Variants in RXFP1 observed in about 807,000 individuals in gnomAD.
The protein encoded by RXFP1 is relaxin receptor 1.
A neutral mutation model predicts 89.8 loss-of-function variants in RXFP1; 73 were observed. The observed-to-expected ratio is 0.81, with a 90% confidence interval of 0.67 to 0.99. RXFP1 has a LOEUF of 0.99. RXFP1 is among the 50% of genes least tolerant of loss of function. The pLI is 0.00. For missense variants in RXFP1, 793 were observed against 895.5 expected (o/e 0.89, Z 1.46); for synonymous variants, 277 against 305.5 (o/e 0.91, Z 0.97).
At chr4:158,587,374 A>G (rs1474712232) in intron 2 of RXFP1, among the ~76,000 whole-genome samples, 1 of 152,236 alleles carries the variant, frequency 6.6e-6, no homozygotes, top group Non-Finnish European at 1.5e-5. Context: ...GTTTTTAGTA[A>G]TACCTTGATT....
In RXFP1 at chr4:158,527,564, A is replaced by AAAAAAAATATATATATAT. The variant is rs5741905; in HGVS notation, c.49+5540_49+5541insAAAAAATATATATATATA. On this transcript the variant is annotated intron_variant, in intron 1 of 17. Transcript: ENST00000307765. ...ATCTCCCCCGCTCCAAAAAAAAAAA[A>AAAAAAAATATATATATAT]ATATATATATATATGTATATATATA... 1.4e-3 allele frequency among the ~76,000 whole-genome samples: 138 copies of AAAAAAAATATATATATAT among 98,304 alleles called. 1 individual carries two copies. Among genetic ancestry groups the AAAAAAAATATATATATAT allele is most frequent in the African/African-American group, 4.6e-3 (131 of 28,514 alleles). 64.5% of individuals were successfully genotyped at this position (98,304 alleles called of 152,430 possible).
At chr4:158,569,665 C>T (rs1400425113) in intron 1 of RXFP1, among the ~76,000 whole-genome samples, 1 of 152,166 alleles carries the variant, frequency 6.6e-6, no homozygotes, top group African/African-American at 2.4e-5. Flanking sequence ...ATATTCATAC[C>T]TTTCAATTGT....
rs554393926 is a variant in RXFP1 at position 158,588,576 on chromosome 4, G to A, written c.188-4825G>A. Among the ~76,000 whole-genome samples, 3 of 152,256 alleles carry A rather than the reference G, an allele frequency of 2.0e-5. No homozygotes were observed. In the South Asian group the frequency reaches 6.2e-4, roughly 32 times the overall value. The stretch of plus-strand genomic sequence containing the variant: ...AATCCCCTTCCACAATTGCTCCTAT[G>A]TTTCTGTTTTAGACAGAGCAGCAAA... On this transcript the variant is annotated intron_variant, in intron 2 of 17. Coordinates refer to ENST00000307765, the MANE Select transcript of RXFP1 (RefSeq NM_021634.4).
At chr4:158,610,390 A>G (rs1158752481) in intron 6 of RXFP1, among the ~76,000 whole-genome samples, 1 of 152,212 alleles carries the variant, frequency 6.6e-6, no homozygotes, top group Non-Finnish European at 1.5e-5. Context: ...GAGGGCATAG[A>G]AAGATAACTC....
At chr4:158,634,254 TGTGATTCCCAGTGATTA>T (rs1768688510) in intron 12 of RXFP1, among the ~76,000 whole-genome samples, 2 of 152,190 alleles carry the variant, frequency 1.3e-5, no homozygotes, top group Non-Finnish European at 2.9e-5. Flanking sequence ...GATTTTGTTT[TGTGATTCCCAGTGATTA>T]GTGATGTTGA....
intron 9 of RXFP1, among the ~76,000 whole-genome samples, chr4:158,618,148 TA>T (rs1764952646): frequency 6.6e-6 from 1 of 152,086 alleles, no homozygotes; most frequent in African/African-American, 2.4e-5. Context: ...GCTAAAGCCA[TA>T]AAGGAAAGGG....
chr4:158,554,789 C>A (rs1750918413), intron 1 of RXFP1, among the ~76,000 whole-genome samples: 1 of 151,584 alleles, frequency 6.6e-6, no homozygotes, highest in African/African-American at 2.4e-5. Flanking sequence ...GGAAATAAGT[C>A]ATAGAGTATA....
At chr4:158,533,847 C>A (rs890291482) in intron 1 of RXFP1, among the ~76,000 whole-genome samples, 1 of 152,160 alleles carries the variant, frequency 6.6e-6, no homozygotes, top group Non-Finnish European at 1.5e-5. Context: ...TTTCCCTACA[C>A]TTTTCTATAT....
chr4:158,633,764 A>G (rs1347914409), intron 12 of RXFP1, among the ~76,000 whole-genome samples: 1 of 152,224 alleles, frequency 6.6e-6, no homozygotes, highest in Non-Finnish European at 1.5e-5. Context: ...CAGATACCTC[A>G]TAGAAGTAAA....
At chr4:158,648,980 G>T (rs1218081474) in intron 17 of RXFP1, among the ~76,000 whole-genome samples, 1 of 152,102 alleles carries the variant, frequency 6.6e-6, no homozygotes, top group Non-Finnish European at 1.5e-5. Context: ...GGGCATGGTG[G>T]TGCACCGCTG....
At chr4:158,644,336 G>A (rs375026696) in intron 14 of RXFP1, among the ~76,000 whole-genome samples, 9 of 152,100 alleles carry the variant, frequency 5.9e-5, no homozygotes, top group East Asian at 3.8e-4. Context: ...GTGAGCCACC[G>A]CGCCCAGCCT....
At chr4:158,625,637 A>G (rs1027624394) in intron 9 of RXFP1, among the ~76,000 whole-genome samples, 2 of 152,128 alleles carry the variant, frequency 1.3e-5, no homozygotes, top group African/African-American at 4.8e-5. Flanking sequence ...TTACAGATAT[A>G]TTTGATTTGT....
chr4:158,619,226 A>G (rs1184989368), intron 9 of RXFP1, among the ~76,000 whole-genome samples: 1 of 152,200 alleles, frequency 6.6e-6, no homozygotes, highest in Non-Finnish European at 1.5e-5. Flanking sequence ...TTACATTTCC[A>G]TTCCTATAAT....
At chr4:158,615,789 A>G (rs891263743) in intron 8 of RXFP1, among the ~76,000 whole-genome samples, 1 of 152,008 alleles carries the variant, frequency 6.6e-6, no homozygotes, top group African/African-American at 2.4e-5. Flanking sequence ...ACCAAAAAAA[A>G]AAATTGTTTT....
chr4:158,639,425 A>G, intron 14 of RXFP1, 94 bp downstream of exon 14: 1 of 739,132 alleles, frequency 1.4e-6, no homozygotes, highest in Non-Finnish European at 2.3e-6. Flanking sequence ...ATTTTCTACT[A>G]ATTTGCCAGC....
rs1744918461 is a variant in RXFP1 at position 158,534,874 on chromosome 4, ATAT to A, written c.49+12855_49+12857del. 2.1e-5 allele frequency among the ~76,000 whole-genome samples: 3 copies of A among 144,640 alleles called. No homozygotes were observed. In the South Asian group the frequency reaches 6.6e-4, roughly 32 times the overall value. 94.9% of individuals were successfully genotyped at this position (144,640 alleles called of 152,430 possible). On this transcript the variant is annotated intron_variant, in intron 1 of 17. Coordinates refer to ENST00000307765, the MANE Select transcript of RXFP1 (RefSeq NM_021634.4). ...TTATTATTATTATATATTATTACCTATATTATTACCTATAATAAGTAATTTTTA... is the reference window on the plus strand; with the variant it reads ...TTATTATTATTATATATTATTACCTATATTACCTATAATAAGTAATTTTTA...
intron 6 of RXFP1, 59 bp from the exon 7 acceptor site, chr4:158,612,071 T>C (rs1264270649): frequency 7.4e-7 from 1 of 1,359,260 alleles, no homozygotes; most frequent in Non-Finnish European, 1.0e-6. Flanking sequence ...GTTTTTACTT[T>C]TCTTATTGTA....
At chr4:158,629,369 AAG>A (rs1218297220) in intron 11 of RXFP1, among the ~76,000 whole-genome samples, 10 of 152,312 alleles carry the variant, frequency 6.6e-5, no homozygotes, top group African/African-American at 2.4e-4. Flanking sequence ...TTGTATCCAT[AAG>A]GAAATTAGAC....
intron 14 of RXFP1, among the ~76,000 whole-genome samples, chr4:158,640,534 T>G (rs1192120727): frequency 6.6e-6 from 1 of 151,638 alleles, no homozygotes; most frequent in Non-Finnish European, 1.5e-5. Context: ...GAAGAGGAGG[T>G]GCCAGCTCTT....
Sources: allele counts gnomAD v4.1 joint callset (sites outside exome capture counted in the v4.1 genomes callset), GRCh38; gene constraint gnomAD v4.1.1; transcripts MANE v1.5; gene names NCBI Gene and HGNC (gene_info 2026-07-23, HGNC 2026-07-21).